CACNB2: variants seen among roughly 807,000 people sequenced by gnomAD.
CACNB2 encodes the protein voltage-dependent L-type calcium channel subunit beta-2.
CACNB2 carries 42 observed loss-of-function variants against 73.3 expected under a neutral mutation model. The observed-to-expected ratio is 0.57, with a 90% CI of 0.45 to 0.74. CACNB2 has a LOEUF of 0.74. CACNB2 is among the 30% of genes least tolerant of loss of function. The pLI is 0.00. For synonymous variants in CACNB2, 348 were observed against 310.3 expected (o/e 1.12, Z -1.28); for missense variants, 940 against 853.0 (o/e 1.10, Z -1.27).
At chr10:18,353,064 A>G (rs1292932687) in intron 2 of CACNB2, among the ~76,000 whole-genome samples, 1 of 152,228 alleles carries the variant, frequency 6.6e-6, no homozygotes, top group Non-Finnish European at 1.5e-5. Context: ...CTATACAATA[A>G]TGTGGCCTAC....
At chr10:18,429,678 AAAAC>A in intron 3 of CACNB2, among the ~76,000 whole-genome samples, 1 of 141,106 alleles carries the variant, frequency 7.1e-6, no homozygotes, top group African/African-American at 2.6e-5. Flanking sequence ...AAAAAAAAAA[AAAAC>A]CAAATTAACC....
chr10:18,518,988 G>C lies in CACNB2; in HGVS notation c.944+20G>C. 6.2e-7 allele frequency: 1 copy of C among 1,611,412 alleles called. No individual in the cohort carries two copies. Among genetic ancestry groups the C allele is most frequent in the Non-Finnish European group, 8.5e-7 (1 of 1,177,680 alleles). On this transcript the variant is annotated intron_variant, in intron 9 of 13. Coordinates refer to ENST00000324631, the MANE Select transcript of CACNB2 (RefSeq NM_201596.3). Reference sequence around the variant, plus strand: ...AGGGCGGTGAGTATTTCAGCATACTGGGTTTTGTGGATTTTGTCTTAAAGA... The same window carrying C: ...AGGGCGGTGAGTATTTCAGCATACTCGGTTTTGTGGATTTTGTCTTAAAGA...
At chr10:18,467,221 ATCTAT>A (rs561438454) in intron 3 of CACNB2, among the ~76,000 whole-genome samples, 8 of 152,304 alleles carry the variant, frequency 5.3e-5, no homozygotes, top group Admixed American at 2.6e-4. Context: ...CTCTGAAATA[ATCTAT>A]TCTAAAGTAA....
intron 2 of CACNB2, among the ~76,000 whole-genome samples, chr10:18,152,732 AC>A (rs68120285): frequency 0.088 from 9,246 of 105,084 alleles, 722 homozygotes; most frequent in East Asian, 0.15. Flanking sequence ...AAAAAAAAAA[AC>A]AAAAAACAAA....
chr10:18,224,502 A>G (rs2035912669), intron 2 of CACNB2, among the ~76,000 whole-genome samples: 1 of 152,146 alleles, frequency 6.6e-6, no homozygotes, highest in East Asian at 1.9e-4. Context: ...ATACTTTCCA[A>G]AGAATTTCTT....
intron 3 of CACNB2, among the ~76,000 whole-genome samples, chr10:18,423,244 A>G (rs2045423676): frequency 6.6e-6 from 1 of 152,212 alleles, no homozygotes; most frequent in Non-Finnish European, 1.5e-5. Flanking sequence ...AGTGAGTGAT[A>G]TGTAGAATGA....
intron 2 of CACNB2, among the ~76,000 whole-genome samples, chr10:18,379,835 C>T (rs543108660): frequency 1.1e-4 from 17 of 152,210 alleles, no homozygotes; most frequent in African/African-American, 4.1e-4. Context: ...TATAGGCATG[C>T]ACCACCTCGC....
At chr10:18,357,891 G>A (rs1165254079) in intron 2 of CACNB2, among the ~76,000 whole-genome samples, 1 of 152,126 alleles carries the variant, frequency 6.6e-6, no homozygotes, top group Non-Finnish European at 1.5e-5. Context: ...TCCTTTTGGG[G>A]ACCCATTAGT....
chr10:18,532,685 AAAAAAAAAAAAC>A (rs2053161855), intron 10 of CACNB2, among the ~76,000 whole-genome samples: 1 of 66,312 alleles, frequency 1.5e-5, no homozygotes, highest in Non-Finnish European at 3.6e-5. Flanking sequence ...TCAAAAAAAA[AAAAAAAAAAAAC>A]AAAACAAAAA....
At chr10:18,401,167 A>C (rs2043976179) in intron 2 of CACNB2, 3 of 1,584,374 alleles carry the variant, frequency 1.9e-6, no homozygotes, top group Non-Finnish European at 2.6e-6. Context: ...TGTTGCAGTG[A>C]GTGCAGGTAG....
Position 18,500,775 on chromosome 10 carries a change from G to C in CACNB2, c.457-37G>C, listed in dbSNP as rs1198657421. 5 of 1,605,624 alleles carry C rather than the reference G, an allele frequency of 3.1e-6. No homozygotes were observed. In the African/African-American group the frequency reaches 6.7e-5, roughly 21 times the overall value. ...TGGAAGAACAAGGATTTGACCTTCT[G>C]TGCACTGATTTTTAATGCTTTTGAT... is the stretch of plus-strand genomic sequence containing the variant. On this transcript the variant is annotated intron_variant, in intron 4 of 13. Coordinates refer to ENST00000324631, the MANE Select transcript of CACNB2 (RefSeq NM_201596.3).
chr10:18,477,605 C>G (rs557708964), intron 3 of CACNB2, among the ~76,000 whole-genome samples: 1 of 152,292 alleles, frequency 6.6e-6, no homozygotes, highest in African/African-American at 2.4e-5. Flanking sequence ...ATCACTAAAA[C>G]AGTCTGTGGT....
chr10:18,395,705 AT>A (rs2043682085), intron 2 of CACNB2, among the ~76,000 whole-genome samples: 1 of 152,146 alleles, frequency 6.6e-6, no homozygotes, highest in African/African-American at 2.4e-5. Flanking sequence ...CTTTTACAGG[AT>A]CATAAAAGTA....
intron 2 of CACNB2, among the ~76,000 whole-genome samples, chr10:18,264,540 TA>T (rs935698136): frequency 6.6e-6 from 1 of 152,158 alleles, no homozygotes; most frequent in African/African-American, 2.4e-5. Context: ...TCCCCCAGGG[TA>T]CCCACTAAAC....
At chr10:18,506,630 A>T in intron 6 of CACNB2, 83 bp downstream of exon 6, 1 of 842,336 alleles carries the variant, frequency 1.2e-6, no homozygotes, top group Non-Finnish European at 2.1e-6. Flanking sequence ...ATTTACGTAT[A>T]CACTGAATCA....
chr10:18,331,670 A>G (rs1353318309), intron 2 of CACNB2, among the ~76,000 whole-genome samples: 3 of 152,146 alleles, frequency 2.0e-5, no homozygotes, highest in South Asian at 2.1e-4. Flanking sequence ...CCTCTAGGTG[A>G]TGAGTTGAAC....
chr10:18,343,234 A>C (rs1374408985), intron 2 of CACNB2, among the ~76,000 whole-genome samples: 1 of 152,214 alleles, frequency 6.6e-6, no homozygotes, highest in East Asian at 1.9e-4. Flanking sequence ...CATTATTCTT[A>C]GACCCAGATG....
rs954717517 is a variant in CACNB2 at position 18,141,008 on chromosome 10, G to A, written c.120+152G>A. On this transcript the variant is annotated intron_variant, in intron 1 of 13. Coordinates refer to ENST00000324631, the MANE Select transcript of CACNB2 (RefSeq NM_201596.3). ...ACCCTCTGCTCCTCTCCTGGCGCCG[G>A]GGACCCTGCCCCTTTGCGCCTTTTC... 12 of 1,526,632 alleles carry A rather than the reference G, an allele frequency of 7.9e-6. No homozygotes were observed. In the Admixed American group the frequency reaches 8.2e-5, roughly 10 times the overall value. 94.6% of individuals were successfully genotyped at this position (1,526,632 alleles called of 1,614,324 possible). A position where few individuals can be genotyped will look rare whatever the true frequency, so the allele number is the denominator to read the frequency against.
intron 3 of CACNB2, among the ~76,000 whole-genome samples, chr10:18,471,562 T>A (rs963100849): frequency 6.6e-6 from 1 of 152,158 alleles, no homozygotes; most frequent in South Asian, 2.1e-4. Context: ...GCCTTTGTAT[T>A]TTTTTCCTGT....
Sources: gnomAD v4.1 joint callset for allele counts (sites outside exome capture counted in the v4.1 genomes callset) on GRCh38, gnomAD v4.1.1 for gene constraint, MANE v1.5 for transcripts, NCBI Gene and HGNC (gene_info 2026-07-23, HGNC 2026-07-21) for gene names.